The following PADI4 variants were observed in gnomAD, a reference collection of about 807,000 sequenced individuals.
PADI4 encodes the protein protein-arginine deiminase type-4.
A neutral mutation model predicts 75.0 loss-of-function variants in PADI4; 62 were observed. The ratio of observed to expected loss-of-function variants is 0.83; its 90% CI spans 0.67 to 1.02. The LOEUF is 1.02. Among genes scored for constraint, PADI4 ranks in the 50% least tolerant of loss-of-function variants. The pLI, the probability that PADI4 is intolerant of heterozygous loss-of-function variation, is 0.00. For missense variants in PADI4, 845 were observed against 850.5 expected, an observed-to-expected ratio of 0.99 and a Z score of 0.08; for synonymous variants, 361 against 348.1, an observed-to-expected ratio of 1.04 and a Z score of -0.41.
At chr1:17,325,343 TC>T (rs2074100986) in intron 1 of PADI4, among the ~76,000 whole-genome samples, 1 of 152,208 alleles carries the variant, frequency 6.6e-6, no homozygotes, top group Non-Finnish European at 1.5e-5. Context: ...CAGTATTTTT[TC>T]CTTTTGTAAA....
intron 2 of PADI4, among the ~76,000 whole-genome samples, chr1:17,332,133 C>A (rs572552221): frequency 6.6e-6 from 1 of 152,124 alleles, no homozygotes; most frequent in Admixed American, 6.5e-5. Context: ...CTTCCATGGT[C>A]GCACTGCCTC....
At chr1:17,351,379 C>T (rs2074616848) in intron 10 of PADI4, among the ~76,000 whole-genome samples, 1 of 149,702 alleles carries the variant, frequency 6.7e-6, no homozygotes, top group African/African-American at 2.5e-5. Flanking sequence ...TTACTTGAGC[C>T]CAGGAGTTCG....
At chr1:17,352,187 T>C (rs867576841) in intron 10 of PADI4, among the ~76,000 whole-genome samples, 151 of 110,896 alleles carry the variant, frequency 1.4e-3, no homozygotes, top group African/African-American at 3.3e-3. Flanking sequence ...GGAGAGGCGG[T>C]CAGGGAGGAG....
At chr1:17,323,464 G>A (rs2074065657) in intron 1 of PADI4, among the ~76,000 whole-genome samples, 1 of 152,154 alleles carries the variant, frequency 6.6e-6, no homozygotes, top group Non-Finnish European at 1.5e-5. Context: ...TTTTCCTGTA[G>A]TTTCCTAATT....
intron 3 of PADI4, chr1:17,334,638 A>G (rs1340515891): frequency 2.2e-6 from 1 of 456,212 alleles, no homozygotes; most frequent in Non-Finnish European, 4.4e-6. Context: ...TATCTATAAC[A>G]AAAAGTAGAT....
rs371464403 is a variant in PADI4, at chr1:17,352,038, G to GGTGGGAGGA, written c.1156-2494_1156-2493insTGGGAGGAG. ...AGAGGCGGCCAGGGAGGTGATGGGA[G>GGTGGGAGGA]GAGAGGCAGTCAGGGAGGTGATGGG... On this transcript the variant is annotated intron_variant, in intron 10 of 15. Transcript: ENST00000375448. Among the ~76,000 whole-genome samples the GGTGGGAGGA allele has an allele frequency of 9.1e-5, 5 of 54,760 alleles. 1 individual carries two copies. The highest frequency in any genetic ancestry group is 1.5e-4 in the Non-Finnish European group (4 of 26,932). The allele number at this position is 54,760 out of a possible 152,430, so 35.9% of individuals were successfully genotyped here.
At chr1:17,361,395 C>T (rs1005774374) in intron 15 of PADI4, among the ~76,000 whole-genome samples, 23 of 152,236 alleles carry the variant, frequency 1.5e-4, no homozygotes, top group African/African-American at 5.5e-4. Context: ...TGTGTGCCTT[C>T]ACTGTTCAAG....
At chr1:17,317,025 A>G (rs2073952657) in intron 1 of PADI4, among the ~76,000 whole-genome samples, 1 of 152,180 alleles carries the variant, frequency 6.6e-6, no homozygotes, top group South Asian at 2.1e-4. Flanking sequence ...CAGTGTATGC[A>G]TTCTCTCCAG....
At chr1:17,311,670 G>A (rs950750489) in intron 1 of PADI4, among the ~76,000 whole-genome samples, 7 of 152,098 alleles carry the variant, frequency 4.6e-5, no homozygotes, top group South Asian at 2.1e-4. Context: ...GACTACAGGC[G>A]CCTGCCACCA....
At chr1:17,320,101 G>A (rs752342428) in intron 1 of PADI4, among the ~76,000 whole-genome samples, 8 of 152,134 alleles carry the variant, frequency 5.3e-5, no homozygotes, top group East Asian at 1.9e-4. Context: ...TCAAGGTGTC[G>A]GCAAGGCTGT....
Position 17,350,150 on chromosome 1 carries a change from T to G in PADI4, c.1155+2102T>G, listed in dbSNP as rs527423649. ...AAAATCATGGACTCGTTCATCTACT[T>G]TTCGTTGCCTGCGCTGCTGGGCCTG... is the stretch of plus-strand genomic sequence containing the variant. On this transcript the variant is annotated intron_variant, in intron 10 of 15. Coordinates refer to ENST00000375448, the MANE Select transcript of PADI4 (RefSeq NM_012387.3). Among the ~76,000 whole-genome samples, 55 of 128,470 alleles carry G rather than the reference T, an allele frequency of 4.3e-4. 3 individuals carry two copies. Among genetic ancestry groups the G allele is most frequent in the African/African-American group, 1.2e-3 (49 of 39,834 alleles). The allele number at this position is 128,470 out of a possible 152,430, so 84.3% of individuals were successfully genotyped here.
intron 1 of PADI4, among the ~76,000 whole-genome samples, chr1:17,316,698 T>G (rs1034358041): frequency 3.4e-5 from 5 of 145,806 alleles, no homozygotes; most frequent in African/African-American, 1.3e-4. Flanking sequence ...TCAAAATAAA[T>G]AAATAAATAA....
intron 1 of PADI4, among the ~76,000 whole-genome samples, chr1:17,321,809 G>A (rs1222209282): frequency 1.3e-5 from 2 of 152,212 alleles, no homozygotes; most frequent in Non-Finnish European, 2.9e-5. Context: ...TTAAGGACCC[G>A]TGTCTGGGAG....
intron 1 of PADI4, 61 bp downstream of exon 1, chr1:17,308,375 C>T: frequency 7.7e-7 from 1 of 1,296,108 alleles, no homozygotes; most frequent in Non-Finnish European, 1.1e-6. Flanking sequence ...TGACCCAGTT[C>T]TACTGACACA....
Position 17,330,840 on chromosome 1 carries a change from T to C in PADI4, c.93-129T>C. The C allele has an allele frequency of 4.9e-6, 3 of 611,752 alleles. No homozygotes were observed. In the South Asian group the frequency reaches 7.2e-5, roughly 15 times the overall value. The allele number at this position is 611,752 out of a possible 1,614,324, so 37.9% of individuals were successfully genotyped here. A position where few individuals can be genotyped will look rare whatever the true frequency, so the allele number is the denominator to read the frequency against. ...TCACAGATACACCCAGAAAAAATAC[T>C]TCGCATCTTTCAGTCCAAACAAGCT... On this transcript the variant is annotated intron_variant, in intron 1 of 15. Coordinates refer to ENST00000375448, the MANE Select transcript of PADI4 (RefSeq NM_012387.3).
At chr1:17,354,416 C>G in intron 10 of PADI4, 117 bp from the exon 11 acceptor site, 2 of 838,626 alleles carry the variant, frequency 2.4e-6, no homozygotes, top group Non-Finnish European at 4.1e-6. Context: ...TATGTGCCAG[C>G]TGTAGACGGT....
intron 8 of PADI4, 43 bp from the exon 9 acceptor site, chr1:17,345,985 C>T (rs1302386046): frequency 7.5e-7 from 1 of 1,328,966 alleles, no homozygotes. Context: ...GGCTGAGCTT[C>T]AAATTCCAGA....
chr1:17,349,848 G>A (rs1748014), intron 10 of PADI4, among the ~76,000 whole-genome samples: 39,049 of 125,260 alleles, frequency 0.31, 12,633 homozygotes, highest in Non-Finnish European at 0.44. Context: ...GGCCACTCTC[G>A]CTGTCCCTTA....
At chr1:17,320,328 A>T (rs1046799378) in intron 1 of PADI4, among the ~76,000 whole-genome samples, 3 of 152,206 alleles carry the variant, frequency 2.0e-5, no homozygotes, top group Non-Finnish European at 2.9e-5. Flanking sequence ...GGGTTCTTGA[A>T]TTTTGCCTGA....
Sources: gnomAD v4.1 joint callset for allele counts (sites outside exome capture counted in the v4.1 genomes callset) on GRCh38, gnomAD v4.1.1 for gene constraint, MANE v1.5 for transcripts, NCBI Gene and HGNC (gene_info 2026-07-23, HGNC 2026-07-21) for gene names.